The following SUSD4 variants were observed in gnomAD, a reference collection of about 807,000 sequenced individuals.
SUSD4 encodes the protein sushi domain-containing protein 4.
SUSD4 carries 41 observed loss-of-function variants against 50.5 expected under a neutral mutation model. The ratio of observed to expected loss-of-function variants is 0.81; its 90% CI spans 0.63 to 1.05. SUSD4 has a LOEUF of 1.05. Among genes scored for constraint, SUSD4 ranks in the 50% least tolerant of loss-of-function variants. The pLI is 0.00. For synonymous variants in SUSD4, 257 were observed against 257.3 expected, an observed-to-expected ratio of 1.00 and a Z score of 0.01; for missense variants, 580 against 634.7, an observed-to-expected ratio of 0.91 and a Z score of 0.93.
chr1:223,345,354 G>A (rs1667971620), intron 2 of SUSD4, among the ~76,000 whole-genome samples: 1 of 152,164 alleles, frequency 6.6e-6, no homozygotes, highest in Non-Finnish European at 1.5e-5. Context: ...ATCTTGTGAG[G>A]AAACTGAGGC....
Position 223,222,220 on chromosome 1 carries a change from T to C in SUSD4, c.1445A>G (p.Glu482Gly). The C allele has an allele frequency of 1.2e-6, 2 of 1,613,658 alleles. No individual in the cohort carries two copies. The highest frequency in any genetic ancestry group is 1.7e-6 in the Non-Finnish European group (2 of 1,179,798). ...GGGATCTTCTTCCATTAGAGGAATC[T>C]CTGTAAAAGAAGAGACGGTTATTAG... ...STSPGIDIADEIPLMEEDP is the reference protein window; with the variant it reads ...STSPGIDIADGIPLMEEDP The change falls in exon 9 of 9, where the codon GAG becomes GGG. Residue 482 changes from glutamate (E) to glycine (G), a missense_variant and splice_region_variant. Physicochemically the swap from Glu to Gly is moderately conservative, Grantham distance 98 (BLOSUM62 -2). Transcript: ENST00000366878.
chr1:223,300,358 C>A (rs1217446632), intron 2 of SUSD4, among the ~76,000 whole-genome samples: 1 of 152,158 alleles, frequency 6.6e-6, no homozygotes, highest in Non-Finnish European at 1.5e-5. Context: ...ATTGAGAGTG[C>A]CCCTCTCTTC....
At position 223,292,434 on chromosome 1, in the gene SUSD4, T is replaced by G; in HGVS notation, c.361+5A>C. On this transcript the variant is annotated splice_donor_5th_base_variant and intron_variant, in intron 3 of 8. Transcript: ENST00000366878. ...GTGGCTTCCGTGGAGAAGTAAGCACTTTACCTTCTTGCACACAGATGGAAT... is the reference window on the plus strand; with the variant it reads ...GTGGCTTCCGTGGAGAAGTAAGCACGTTACCTTCTTGCACACAGATGGAAT... 1 of 1,614,124 alleles carries G rather than the reference T, an allele frequency of 6.2e-7. No individual in the cohort carries two copies. Among genetic ancestry groups the G allele is most frequent in the Non-Finnish European group, 8.5e-7 (1 of 1,179,984 alleles).
Position 223,227,842 on chromosome 1 carries a change from G to A in SUSD4, c.917-104C>T, listed in dbSNP as rs1659622541. 9.2e-6 allele frequency: 13 copies of A among 1,420,200 alleles called. No homozygotes were observed. Among genetic ancestry groups the A allele is most frequent in the Middle Eastern group, 2.5e-4 (1 of 4,076 alleles). The allele number at this position is 1,420,200 out of a possible 1,614,324, so 88.0% of individuals were successfully genotyped here. A position where few individuals can be genotyped will look rare whatever the true frequency, so the allele number is the denominator to read the frequency against. ...TGGATTCATCTGGCACAAGAGATGC[G>A]TGCAAGGTGCCTCTGACCCCCAGGG... is the stretch of plus-strand genomic sequence containing the variant. On this transcript the variant is annotated intron_variant, in intron 6 of 8. Transcript: ENST00000366878. This position sits in a 1 kb window ranked among gnomAD's most constrained non-coding sequence, Gnocchi z 4.5.
rs1010768176 is a variant in SUSD4, at chr1:223,221,797, G to C, written c.*395C>G. 5.8e-6 allele frequency: 1 copy of C among 172,876 alleles called. No homozygotes were observed. Among genetic ancestry groups the C allele is most frequent in the Non-Finnish European group, 1.2e-5 (1 of 82,326 alleles). The allele number at this position is 172,876 out of a possible 1,614,324, so 10.7% of individuals were successfully genotyped here. ...CAGAGACAGTTTGAAGCAGATGTTA[G>C]AAGCAAATTTACATGATGTGACATG... On this transcript the variant is annotated 3_prime_UTR_variant, in exon 9 of 9. Coordinates refer to ENST00000366878, the MANE Select transcript of SUSD4 (RefSeq NM_017982.4).
At chr1:223,240,061 A>G (rs1335981605) in intron 5 of SUSD4, among the ~76,000 whole-genome samples, 1 of 151,712 alleles carries the variant, frequency 6.6e-6, no homozygotes, top group Non-Finnish European at 1.5e-5. Context: ...ACAGAATTCT[A>G]GGTTGGTTGG....
intron 5 of SUSD4, chr1:223,230,459 G>A (rs1659820867): frequency 6.6e-6 from 1 of 151,678 alleles, no homozygotes; most frequent in Non-Finnish European, 1.5e-5. Context: ...CAAACACCCT[G>A]GCCAGTGCAG....
intron 2 of SUSD4, among the ~76,000 whole-genome samples, chr1:223,349,869 C>A (rs1182145717): frequency 6.6e-6 from 1 of 152,172 alleles, no homozygotes; most frequent in African/African-American, 2.4e-5. Flanking sequence ...TGAATTGTAT[C>A]CCTCTAAATT....
At chr1:223,245,543 G>A (rs1257784839) in intron 5 of SUSD4, among the ~76,000 whole-genome samples, 1 of 152,142 alleles carries the variant, frequency 6.6e-6, no homozygotes, top group Non-Finnish European at 1.5e-5. Flanking sequence ...TGGGAGGCAG[G>A]CGGGACACTG....
intron 5 of SUSD4, chr1:223,263,668 A>T (rs1234464088): frequency 2.0e-5 from 20 of 985,152 alleles, no homozygotes; most frequent in Non-Finnish European, 2.3e-5. Flanking sequence ...CCCACTCCAC[A>T]TCCCTAGAGA....
chr1:223,251,872 G>A (rs910630551), intron 5 of SUSD4, among the ~76,000 whole-genome samples: 1 of 152,092 alleles, frequency 6.6e-6, no homozygotes, highest in African/African-American at 2.4e-5. Context: ...CCCACCAACA[G>A]TGTAAAAGTG....
At chr1:223,261,495 C>G (rs1448939999) in intron 5 of SUSD4, among the ~76,000 whole-genome samples, 1 of 152,152 alleles carries the variant, frequency 6.6e-6, no homozygotes, top group Non-Finnish European at 1.5e-5. Flanking sequence ...GTCAATAGTA[C>G]CTGCTTCCAA....
chr1:223,290,954 A>T (rs752381176), intron 3 of SUSD4, among the ~76,000 whole-genome samples: 1 of 150,520 alleles, frequency 6.6e-6, no homozygotes, highest in Non-Finnish European at 1.5e-5. Context: ...CTATATACAT[A>T]TATATATATA....
chr1:223,310,734 A>C (rs1282751619), intron 2 of SUSD4, among the ~76,000 whole-genome samples: 3 of 152,248 alleles, frequency 2.0e-5, no homozygotes, highest in African/African-American at 7.2e-5. Context: ...TCAAGAAAAA[A>C]ATGCTATTTA....
At position 223,332,999 on chromosome 1, in the gene SUSD4, G is replaced by A. The variant is rs1673626418; in HGVS notation, c.148+30279C>T. Among the ~76,000 whole-genome samples the A allele has an allele frequency of 1.3e-5, 2 of 152,088 alleles. No homozygotes were observed. Among genetic ancestry groups the A allele is most frequent in the South Asian group, 4.2e-4 (2 of 4,812 alleles). ...CTCCTCTCCCACACAGTTGTCCTGG[G>A]GAAATCATGTCAGCACCAGGTGCAG... On this transcript the variant is annotated intron_variant, in intron 2 of 8. Coordinates refer to ENST00000366878, the MANE Select transcript of SUSD4 (RefSeq NM_017982.4). The surrounding 1 kb of genome is among the most constrained non-coding windows in gnomAD (Gnocchi z 4.0).
At chr1:223,253,830 A>AT (rs1414158975) in intron 5 of SUSD4, among the ~76,000 whole-genome samples, 1 of 152,126 alleles carries the variant, frequency 6.6e-6, no homozygotes, top group Non-Finnish European at 1.5e-5. Context: ...CCGGTCATCT[A>AT]TTTTCTGAGC....
intron 2 of SUSD4, among the ~76,000 whole-genome samples, chr1:223,299,852 G>A (rs547144233): frequency 1.3e-5 from 2 of 152,202 alleles, no homozygotes; most frequent in African/African-American, 4.8e-5. Flanking sequence ...TACATCATTG[G>A]CTCTCCTGGG....
chr1:223,223,132 A>T, intron 8 of SUSD4, 117 bp downstream of exon 8: 1 of 1,396,782 alleles, frequency 7.2e-7, no homozygotes, highest in Non-Finnish European at 9.4e-7. Flanking sequence ...GTGAGAGGTA[A>T]ACAGATTGAT....
chr1:223,309,583 AT>A (rs1665751185), intron 2 of SUSD4, among the ~76,000 whole-genome samples: 1 of 152,180 alleles, frequency 6.6e-6, no homozygotes, highest in African/African-American at 2.4e-5. Flanking sequence ...AGTGCCCAAG[AT>A]GCTGGCTAGA....
Sources: gnomAD v4.1 joint callset for allele counts (sites outside exome capture counted in the v4.1 genomes callset) on GRCh38, gnomAD v4.1.1 for gene constraint, Gnocchi (gnomAD v3.1) non-coding constraint, MANE v1.5 for transcripts, NCBI Gene and HGNC (gene_info 2026-07-23, HGNC 2026-07-21) for gene names.